CALN1: variants seen among roughly 807,000 people sequenced by gnomAD.
The protein encoded by CALN1 is calcium-binding protein 8.
In CALN1, 17 loss-of-function variants were observed where a neutral mutation model predicts 30.6. That is an observed-to-expected ratio of 0.56 (90% CI 0.38 to 0.83). The LOEUF (loss-of-function observed/expected upper bound fraction) is 0.83. Ranked by LOEUF, CALN1 falls within the 40% of genes least tolerant of loss-of-function variation. The probability of loss-of-function intolerance (pLI) is 0.00; values close to 1 mark genes in which losing one functional copy is unlikely to be tolerated. For missense variants in CALN1, 291 were observed against 354.9 expected, an observed-to-expected ratio of 0.82 and a Z score of 1.45; for synonymous variants, 156 against 131.4, an observed-to-expected ratio of 1.19 and a Z score of -1.28.
intron 1 of CALN1, among the ~76,000 whole-genome samples, chr7:72,422,343 C>A (rs1807640267): frequency 6.6e-6 from 1 of 152,102 alleles, no homozygotes; most frequent in African/African-American, 2.4e-5. Context: ...GTAAGAAAAC[C>A]ATATTGTGGT....
intron 3 of CALN1, among the ~76,000 whole-genome samples, chr7:72,235,054 TG>T (rs1266149443): frequency 1.3e-5 from 2 of 152,068 alleles, no homozygotes; most frequent in African/African-American, 4.8e-5. Context: ...GAATCACTTC[TG>T]GAAGTTCAGA....
At chr7:72,170,805 G>A (rs889056645) in intron 3 of CALN1, among the ~76,000 whole-genome samples, 2 of 152,156 alleles carry the variant, frequency 1.3e-5, no homozygotes, top group African/African-American at 4.8e-5. Flanking sequence ...ATTGAATTAA[G>A]CACTAGAAAC....
At chr7:71,976,389 C>T (rs917543634) in intron 5 of CALN1, among the ~76,000 whole-genome samples, 3 of 152,180 alleles carry the variant, frequency 2.0e-5, no homozygotes, top group Non-Finnish European at 4.4e-5. Context: ...CACACATTCC[C>T]AGCACTGAGC....
the CALN1 span, among the ~76,000 whole-genome samples, chr7:72,465,010 G>A: frequency 6.6e-6 from 1 of 152,106 alleles, no homozygotes; most frequent in Non-Finnish European, 1.5e-5. Context: ...GGGTCCCAGA[G>A]GAACACCCAC....
chr7:72,271,558 G>A (rs1477906429), intron 3 of CALN1, among the ~76,000 whole-genome samples: 1 of 30,892 alleles, frequency 3.2e-5, no homozygotes, highest in Non-Finnish European at 4.9e-5. Flanking sequence ...CACTGTGCCT[G>A]CCTTTTAAAA....
intron 4 of CALN1, among the ~76,000 whole-genome samples, chr7:72,090,738 T>C (rs963453555): frequency 1.3e-5 from 2 of 152,178 alleles, no homozygotes; most frequent in South Asian, 2.1e-4. Flanking sequence ...AGTGGAATAT[T>C]AGCCATAAAA....
At chr7:71,835,748 A>C (rs1197202256) in intron 5 of CALN1, among the ~76,000 whole-genome samples, 1 of 152,218 alleles carries the variant, frequency 6.6e-6, no homozygotes, top group Non-Finnish European at 1.5e-5. Context: ...GTCAAGGCAG[A>C]GAAAACTGTA....
At chr7:72,243,155 G>A (rs941203205) in intron 3 of CALN1, among the ~76,000 whole-genome samples, 1 of 152,168 alleles carries the variant, frequency 6.6e-6, no homozygotes, top group African/African-American at 2.4e-5. Context: ...GAGGTCATGA[G>A]GGAGGAGCCC....
intron 5 of CALN1, among the ~76,000 whole-genome samples, chr7:71,865,106 C>A (rs762476770): frequency 1.3e-5 from 2 of 152,120 alleles, no homozygotes; most frequent in Non-Finnish European, 2.9e-5. Flanking sequence ...CCAATAAAAT[C>A]TGATTTTTGA....
At chr7:71,920,905 C>T (rs1330930054) in intron 5 of CALN1, among the ~76,000 whole-genome samples, 2 of 152,118 alleles carry the variant, frequency 1.3e-5, no homozygotes, top group Non-Finnish European at 2.9e-5. Context: ...CACATGCATA[C>T]GTATGTTTAT....
intron 3 of CALN1, among the ~76,000 whole-genome samples, chr7:72,217,529 A>G (rs1792920742): frequency 6.6e-6 from 1 of 152,166 alleles, no homozygotes; most frequent in African/African-American, 2.4e-5. Flanking sequence ...GTCAAAACTG[A>G]AGACACTAAG....
intron 2 of CALN1, among the ~76,000 whole-genome samples, chr7:72,401,249 A>G (rs1170969256): frequency 6.6e-6 from 1 of 152,154 alleles, no homozygotes; most frequent in Non-Finnish European, 1.5e-5. Context: ...TCTGAGAGAT[A>G]ACATTACTGC....
chr7:71,932,359 G>A (rs2129520666), intron 5 of CALN1, among the ~76,000 whole-genome samples: 1 of 152,116 alleles, frequency 6.6e-6, no homozygotes, highest in Non-Finnish European at 1.5e-5. Context: ...TAGAGATGAG[G>A]TCTCACTATG....
chr7:72,088,424 C>T (rs1389779461), intron 4 of CALN1, among the ~76,000 whole-genome samples: 2 of 152,010 alleles, frequency 1.3e-5, no homozygotes, highest in Non-Finnish European at 2.9e-5. Flanking sequence ...ATGGGCCGGG[C>T]GCAGTGGCTC....
intron 6 of CALN1, among the ~76,000 whole-genome samples, chr7:71,793,840 G>T (rs1194467704): frequency 6.6e-6 from 1 of 151,804 alleles, no homozygotes; most frequent in Admixed American, 6.6e-5. Context: ...CTCAAGCCTG[G>T]GTGACAGAGC....
At chr7:71,945,342 G>A (rs532313885) in intron 5 of CALN1, among the ~76,000 whole-genome samples, 5 of 152,250 alleles carry the variant, frequency 3.3e-5, no homozygotes, top group African/African-American at 9.6e-5. Context: ...AATGGGCTAA[G>A]ACATTAAGTC....
intron 5 of CALN1, among the ~76,000 whole-genome samples, chr7:71,833,761 G>T (rs1258398381): frequency 6.6e-6 from 1 of 151,904 alleles, no homozygotes; most frequent in East Asian, 1.9e-4. Context: ...CCTCTAAAAA[G>T]AATTAGCTGG....
chr7:72,167,273 A>G (rs1788592925), intron 3 of CALN1, among the ~76,000 whole-genome samples: 1 of 152,184 alleles, frequency 6.6e-6, no homozygotes, highest in South Asian at 2.1e-4. Flanking sequence ...TGCTACCCAA[A>G]TTGTGTAATG....
At chr7:72,129,712 T>G (rs183901331) in intron 3 of CALN1, among the ~76,000 whole-genome samples, 49 of 152,324 alleles carry the variant, frequency 3.2e-4, no homozygotes, top group Admixed American at 2.9e-3. Context: ...GATGGCCCCC[T>G]TAGCATTCAT....
Sources: allele counts gnomAD v4.1 joint callset (sites outside exome capture counted in the v4.1 genomes callset), GRCh38; gene constraint gnomAD v4.1.1; transcripts MANE v1.5; gene names NCBI Gene and HGNC (gene_info 2026-07-23, HGNC 2026-07-21).